Variants in SNX25 observed in about 807,000 individuals in gnomAD.
SNX25 encodes sorting nexin-25.
SNX25 carries 62 observed loss-of-function variants against 113.7 expected under a neutral mutation model. The observed-to-expected ratio is 0.55, with a 90% CI of 0.44 to 0.67. The LOEUF is 0.67. Ranked by LOEUF, SNX25 falls within the 30% of genes least tolerant of loss-of-function variation. The pLI is 0.00. For synonymous variants in SNX25, 421 were observed against 436.2 expected (o/e 0.97, Z 0.43); for missense variants, 1,014 against 1,161.0 (o/e 0.87, Z 1.84).
intron 7 of SNX25, among the ~76,000 whole-genome samples, chr4:185,318,639 G>A (rs73027790): frequency 0.056 from 8,540 of 152,130 alleles, 288 homozygotes; most frequent in African/African-American, 0.068. Flanking sequence ...AAACAAAAAC[G>A]TGAAACTATT....
At position 185,361,146 on chromosome 4, in the gene SNX25, T is replaced by A. The variant is rs193188780; in HGVS notation, c.2652-778T>A. On this transcript the variant is annotated intron_variant, in intron 16 of 18. Transcript: ENST00000652585. ...CCTCATGGGCATATGAAGTGCTTCA[T>A]CTGGATCCGAGTATCCTGCCCAGCA... Among the ~76,000 whole-genome samples, 477 of 152,258 alleles carry A rather than the reference T, an allele frequency of 3.1e-3. 1 individual carries two copies. The highest frequency in any genetic ancestry group is 5.0e-3 in the Non-Finnish European group (341 of 68,020).
intron 11 of SNX25, among the ~76,000 whole-genome samples, chr4:185,339,930 A>G (rs951523124): frequency 6.6e-6 from 1 of 152,190 alleles, no homozygotes; most frequent in Non-Finnish European, 1.5e-5. Context: ...TCTTCAATGA[A>G]TATGTTTTTT....
intron 3 of SNX25, among the ~76,000 whole-genome samples, chr4:185,260,033 C>CT (rs576506874): frequency 1.1e-3 from 165 of 152,252 alleles, no homozygotes; most frequent in Non-Finnish European, 2.0e-3. Flanking sequence ...GTTTTGCGAA[C>CT]TTTTTTAAAA....
At chr4:185,360,976 A>G (rs1034162887) in intron 16 of SNX25, among the ~76,000 whole-genome samples, 22 of 147,662 alleles carry the variant, frequency 1.5e-4, no homozygotes, top group African/African-American at 5.6e-4. Context: ...TGACTAACGA[A>G]ATGGGGTTGT....
exon 12 of SNX25, chr4:185,369,988 C>G: frequency 4.6e-6 from 1 of 215,430 alleles, no homozygotes; most frequent in South Asian, 6.4e-5. Context: ...GTAATTCTGA[C>G]TCGTGGATGT....
the SNX25 span, chr4:185,378,326 A>G: frequency 1.4e-6 from 2 of 1,454,870 alleles, no homozygotes; most frequent in African/African-American, 1.4e-5. Flanking sequence ...TCGCCTAGAT[A>G]GAACACCAAC....
chr4:185,328,895 C>A (rs1316713764), intron 9 of SNX25, among the ~76,000 whole-genome samples: 1 of 151,948 alleles, frequency 6.6e-6, no homozygotes, highest in African/African-American at 2.4e-5. Context: ...GCAGGAGGGG[C>A]CACCAGATTG....
chr4:185,209,683 A>G lies in SNX25; in HGVS notation c.-144A>G, dbSNP rs180986648. On this transcript the variant is annotated 5_prime_UTR_variant, in exon 1 of 19. Coordinates refer to ENST00000652585, the MANE Select transcript of SNX25 (RefSeq NM_001378034.2). The surrounding 1 kb of genome is among the most constrained non-coding windows in gnomAD (Gnocchi z 5.2). ...TGGTGGCGGCGCTGAGGGGTCGCCG[A>G]GAGGGGCCCGGCGGCGTCTGCGGGG... 1,324 of 951,120 alleles carry G rather than the reference A, an allele frequency of 1.4e-3. 37 individuals carry two copies. The East Asian group carries it at 0.075, about 54-fold the overall frequency. 58.9% of individuals were successfully genotyped at this position (951,120 alleles called of 1,614,324 possible). A position where few individuals can be genotyped will look rare whatever the true frequency, so the allele number is the denominator to read the frequency against.
At chr4:185,344,588 T>C (rs971531417) in intron 12 of SNX25, among the ~76,000 whole-genome samples, 1 of 152,104 alleles carries the variant, frequency 6.6e-6, no homozygotes, top group African/African-American at 2.4e-5. Context: ...TATTTCAGAA[T>C]GAAAGGAAAC....
At chr4:185,272,940 G>T (rs1749159502) in intron 5 of SNX25, among the ~76,000 whole-genome samples, 1 of 152,148 alleles carries the variant, frequency 6.6e-6, no homozygotes, top group African/African-American at 2.4e-5. Flanking sequence ...TTTATTGTGG[G>T]AGGTTGTTCT....
intron 7 of SNX25, 97 bp downstream of exon 7, chr4:185,310,913 T>TA (rs1755152988): frequency 1.7e-6 from 2 of 1,182,000 alleles, no homozygotes; most frequent in Admixed American, 5.7e-5. Flanking sequence ...GTATTGAACT[T>TA]AGACATGTGT....
intron 5 of SNX25, among the ~76,000 whole-genome samples, chr4:185,269,082 C>T (rs1245834647): frequency 6.6e-6 from 1 of 152,046 alleles, no homozygotes; most frequent in Non-Finnish European, 1.5e-5. Context: ...AAGTGTGATG[C>T]TTGAGCTAGA....
rs1742346588 is a variant in SNX25 at position 185,234,623 on chromosome 4, A to C, written c.430-12671A>C. Reference sequence around the variant, plus strand: ...CGTGAACCCAGGAGGCGGAGCTTGCAGTGAGCCGAGATCGCGCCACTGCAC... The same window carrying C: ...CGTGAACCCAGGAGGCGGAGCTTGCCGTGAGCCGAGATCGCGCCACTGCAC... On this transcript the variant is annotated intron_variant, in intron 1 of 18. Coordinates refer to ENST00000652585, the MANE Select transcript of SNX25 (RefSeq NM_001378034.2). 1.0e-4 allele frequency among the ~76,000 whole-genome samples: 2 copies of C among 19,940 alleles called. 1 individual carries two copies. The highest frequency in any genetic ancestry group is 1.2e-3 in the Admixed American group (2 of 1,704). 13.1% of individuals were successfully genotyped at this position (19,940 alleles called of 152,430 possible). A position where few individuals can be genotyped will look rare whatever the true frequency, so the allele number is the denominator to read the frequency against.
chr4:185,343,898 G>A (rs2095272281), intron 12 of SNX25, among the ~76,000 whole-genome samples: 1 of 152,084 alleles, frequency 6.6e-6, no homozygotes, highest in African/African-American at 2.4e-5. Context: ...CTAGCAAGGG[G>A]AGGAGTGGGC....
chr4:185,332,796 A>C, intron 10 of SNX25, 37 bp downstream of exon 10: 1 of 1,595,294 alleles, frequency 6.3e-7, no homozygotes, highest in Non-Finnish European at 8.5e-7. Context: ...TTGAAAGTTA[A>C]CATTTGTCTA....
chr4:185,313,519 A>T (rs1308840384), intron 7 of SNX25, among the ~76,000 whole-genome samples: 1 of 152,242 alleles, frequency 6.6e-6, no homozygotes, highest in Non-Finnish European at 1.5e-5. Context: ...AAAATTCCCA[A>T]ATATTTGGTA....
At chr4:185,371,626 TG>T (rs1471797108), downstream of SNX25, among the ~76,000 whole-genome samples, 1 of 151,404 alleles carries the variant, frequency 6.6e-6, no homozygotes, top group Non-Finnish European at 1.5e-5. Context: ...TGTGAGAATG[TG>T]ATCCAGTCAA....
intron 6 of SNX25, among the ~76,000 whole-genome samples, chr4:185,300,442 A>G (rs1024487445): frequency 6.6e-6 from 1 of 151,254 alleles, no homozygotes; most frequent in African/African-American, 2.4e-5. Context: ...TGCTGGGATT[A>G]CAGGTGTGAG....
At chr4:185,328,052 T>G (rs1334971569) in intron 9 of SNX25, among the ~76,000 whole-genome samples, 1 of 152,218 alleles carries the variant, frequency 6.6e-6, no homozygotes. Flanking sequence ...TAAAAATATT[T>G]GATTTAAGCA....
Sources: gnomAD v4.1 joint callset for allele counts (sites outside exome capture counted in the v4.1 genomes callset) on GRCh38, gnomAD v4.1.1 for gene constraint, Gnocchi (gnomAD v3.1) non-coding constraint, MANE v1.5 for transcripts, NCBI Gene and HGNC (gene_info 2026-07-23, HGNC 2026-07-21) for gene names.